VWC2: variants seen among roughly 807,000 people sequenced by gnomAD.
The protein encoded by VWC2 is brorin.
A neutral mutation model predicts 29.8 loss-of-function variants in VWC2; 14 were observed. That is an observed-to-expected ratio of 0.47 (90% CI 0.31 to 0.74). VWC2 has a LOEUF of 0.74. Among genes scored for constraint, VWC2 ranks in the 30% least tolerant of loss-of-function variants. VWC2 has a pLI of 0.05. For synonymous variants in VWC2, 213 were observed against 199.0 expected (o/e 1.07, Z -0.59); for missense variants, 457 against 459.8 (o/e 0.99, Z 0.05).
chr7:49,820,966 A>C (rs1209728772), intron 3 of VWC2, among the ~76,000 whole-genome samples: 1 of 152,140 alleles, frequency 6.6e-6, no homozygotes, highest in Non-Finnish European at 1.5e-5. Context: ...TTCAGCCTGC[A>C]CCACCTATGG....
chr7:49,899,576 A>G (rs935047724), intron 3 of VWC2, among the ~76,000 whole-genome samples: 5 of 151,996 alleles, frequency 3.3e-5, no homozygotes, highest in Non-Finnish European at 5.9e-5. Context: ...TATCAGCCAG[A>G]GGGAGGTATT....
chr7:49,848,927 T>A (rs557979292), intron 3 of VWC2, among the ~76,000 whole-genome samples: 2 of 152,372 alleles, frequency 1.3e-5, no homozygotes, highest in Admixed American at 1.3e-4. Context: ...TTTCCTAGTC[T>A]CTGTATCTCT....
chr7:49,912,295 T>C lies in VWC2; in HGVS notation c.*110T>C. On this transcript the variant is annotated 3_prime_UTR_variant, in exon 4 of 4. Transcript: ENST00000340652. ...AAAGAAGACTTTTGATGAGGAATAA[T>C]GGAAAATTGTTGGTACTTTTCCTTT... 1 of 1,167,388 alleles carries C rather than the reference T, an allele frequency of 8.6e-7. No homozygotes were observed. Among genetic ancestry groups the C allele is most frequent in the Non-Finnish European group, 1.2e-6 (1 of 854,308 alleles). The allele number at this position is 1,167,388 out of a possible 1,614,324, so 72.3% of individuals were successfully genotyped here. A position where few individuals can be genotyped will look rare whatever the true frequency, so the allele number is the denominator to read the frequency against.
intron 3 of VWC2, among the ~76,000 whole-genome samples, chr7:49,901,601 T>A (rs371412444): frequency 6.6e-6 from 1 of 151,750 alleles, no homozygotes; most frequent in South Asian, 2.1e-4. Context: ...ATAGAAAGAC[T>A]CAACATTATC....
intron 3 of VWC2, among the ~76,000 whole-genome samples, chr7:49,868,597 A>C (rs928627634): frequency 6.6e-5 from 10 of 152,324 alleles, no homozygotes; most frequent in Non-Finnish European, 1.5e-4. Flanking sequence ...CAACATTTAA[A>C]TGTAATGATC....
At position 49,775,496 on chromosome 7, in the gene VWC2, T is replaced by C; in HGVS notation, c.61T>C (p.Cys21Arg). ...CTCCAGTTCCCTCCTGGTCACCTGC[T>C]GCCTGATGGTGGCTCTGTGCAGTCC... ...ALSSSLLVTC[C>R]LMVALCSPSI... Residue 21 changes from cysteine (C) to arginine (R), a missense_variant, in exon 2 of 4, where the codon TGC (cysteine) becomes CGC (arginine). By Grantham distance (180) the Cys-to-Arg change is radical (BLOSUM62 -3). Coordinates refer to ENST00000340652, the MANE Select transcript of VWC2 (RefSeq NM_198570.5). 1 of 1,560,752 alleles carries C rather than the reference T, an allele frequency of 6.4e-7. No homozygotes were observed. Among genetic ancestry groups the C allele is most frequent in the Non-Finnish European group, 8.6e-7 (1 of 1,158,744 alleles).
chr7:49,815,545 C>A lies in VWC2; in HGVS notation c.826+12705C>A, dbSNP rs1469819296. ...ATTATTTCAATATTAAGCACATAAA[C>A]CTTACAATATTTTAGATGGTAATTT... On this transcript the variant is annotated intron_variant, in intron 3 of 3. Transcript: ENST00000340652. Among the ~76,000 whole-genome samples the A allele has an allele frequency of 2.6e-5, 4 of 152,100 alleles. No homozygotes were observed. The East Asian group carries it at 7.7e-4, about 29-fold the overall frequency.
At chr7:49,882,841 T>C (rs1791727319) in intron 3 of VWC2, among the ~76,000 whole-genome samples, 1 of 152,030 alleles carries the variant, frequency 6.6e-6, no homozygotes, top group Admixed American at 6.6e-5. Flanking sequence ...TTCTATTTTT[T>C]GTGTTTTTGG....
rs145627769 is a variant in VWC2 at position 49,847,973 on chromosome 7, C to T, written c.826+45133C>T. On this transcript the variant is annotated intron_variant, in intron 3 of 3. Transcript: ENST00000340652. ...CAGTCCCTCCAACGTCAGCAAGGCT[C>T]AATGTCAAAGCATTAGAATGCAGAA... Among the ~76,000 whole-genome samples, 5 of 152,314 alleles carry T rather than the reference C, an allele frequency of 3.3e-5. No individual in the cohort carries two copies. In the East Asian group the frequency reaches 5.8e-4, roughly 18 times the overall value.
Position 49,882,623 on chromosome 7 carries a change from GGA to G in VWC2, c.827-29404_827-29403del, listed in dbSNP as rs1057152712. ...GATAGTGAGTACAGAAAGGAGGCAGGGAGAGAGACAGGGAGAGAGGTAAACAC... is the reference window on the plus strand; with the variant it reads ...GATAGTGAGTACAGAAAGGAGGCAGGGAGAGACAGGGAGAGAGGTAAACAC... On this transcript the variant is annotated intron_variant, in intron 3 of 3. Transcript: ENST00000340652. 3.6e-4 allele frequency among the ~76,000 whole-genome samples: 55 copies of G among 151,972 alleles called. 1 individual carries two copies. Among genetic ancestry groups the G allele is most frequent in the Non-Finnish European group, 1.2e-4 (8 of 67,984 alleles).
intron 3 of VWC2, among the ~76,000 whole-genome samples, chr7:49,811,892 A>T (rs927342128): frequency 6.6e-6 from 1 of 152,190 alleles, no homozygotes; most frequent in Non-Finnish European, 1.5e-5. Flanking sequence ...TATTCCTAGA[A>T]TTATTATTAA....
chr7:49,782,404 T>C (rs1488457006), intron 2 of VWC2, among the ~76,000 whole-genome samples: 3 of 152,158 alleles, frequency 2.0e-5, no homozygotes, highest in African/African-American at 7.2e-5. Context: ...TCCAGTCCTT[T>C]CCTCTTCAGT....
rs1790621365 is a variant in VWC2, at chr7:49,860,835, A to G, written c.827-51199A>G. Among the ~76,000 whole-genome samples, 4 of 152,330 alleles carry G rather than the reference A, an allele frequency of 2.6e-5. No individual in the cohort carries two copies. In the South Asian group the frequency reaches 8.3e-4, roughly 32 times the overall value. On this transcript the variant is annotated intron_variant, in intron 3 of 3. Coordinates refer to ENST00000340652, the MANE Select transcript of VWC2 (RefSeq NM_198570.5). ...GAAGAGACACCAAGGATGTGTGCAC[A>G]GAGAAAAGGCCATGTGAGGCCACAG... is the stretch of plus-strand genomic sequence containing the variant.
intron 2 of VWC2, among the ~76,000 whole-genome samples, chr7:49,795,621 CTTG>C (rs1788570308): frequency 6.6e-6 from 1 of 152,186 alleles, no homozygotes; most frequent in Non-Finnish European, 1.5e-5. Flanking sequence ...GTGCCTAATC[CTTG>C]AGCAGCTCTT....
Position 49,914,947 on chromosome 7 carries a change from G to T in VWC2, c.*2762G>T, listed in dbSNP as rs1793638272. ...GTACCTAATAATTGTTAAATGATTT[G>T]TTCAAGTTAATAAACTAAATCGTGC... On this transcript the variant is annotated 3_prime_UTR_variant, in exon 4 of 4. Transcript: ENST00000340652. 6.6e-6 allele frequency: 1 copy of T among 152,152 alleles called. No homozygotes were observed. The highest frequency in any genetic ancestry group is 6.5e-5 in the Admixed American group (1 of 15,268). 9.4% of individuals were successfully genotyped at this position (152,152 alleles called of 1,614,324 possible).
At chr7:49,904,202 CTT>C (rs1255142524) in intron 3 of VWC2, among the ~76,000 whole-genome samples, 2 of 152,136 alleles carry the variant, frequency 1.3e-5, no homozygotes, top group Non-Finnish European at 2.9e-5. Context: ...ACAGGCTGCT[CTT>C]TGTTAGAAAA....
At position 49,917,066 on chromosome 7, in the gene VWC2, C is replaced by G. The variant is rs1451529608; in HGVS notation, c.*4881C>G. 2 of 152,110 alleles carry G rather than the reference C, an allele frequency of 1.3e-5. No homozygotes were observed. The highest frequency in any genetic ancestry group is 4.8e-5 in the African/African-American group (2 of 41,440). The allele number at this position is 152,110 out of a possible 1,614,324, so 9.4% of individuals were successfully genotyped here. ...ATTTTTGGAAAACAATTTTCTTAGA[C>G]TTTCATTTGTGATATTGATCATTTC... On this transcript the variant is annotated 3_prime_UTR_variant, in exon 4 of 4. Coordinates refer to ENST00000340652, the MANE Select transcript of VWC2 (RefSeq NM_198570.5).
At chr7:49,777,150 C>A (rs1788071793) in intron 2 of VWC2, among the ~76,000 whole-genome samples, 1 of 152,202 alleles carries the variant, frequency 6.6e-6, no homozygotes, top group Non-Finnish European at 1.5e-5. Flanking sequence ...CAACCTATGG[C>A]CTGCCTGGAC....
intron 2 of VWC2, among the ~76,000 whole-genome samples, chr7:49,776,566 G>C (rs1788058963): frequency 6.6e-6 from 1 of 152,172 alleles, no homozygotes; most frequent in African/African-American, 2.4e-5. Context: ...CATATAAAAA[G>C]CCATTTCCCT....
Sources: gnomAD v4.1 joint callset for allele counts (sites outside exome capture counted in the v4.1 genomes callset) on GRCh38, gnomAD v4.1.1 for gene constraint, MANE v1.5 for transcripts, NCBI Gene and HGNC (gene_info 2026-07-23, HGNC 2026-07-21) for gene names.